LRP1B: variants seen among roughly 807,000 people sequenced by gnomAD.
LRP1B encodes low-density lipoprotein receptor-related protein 1B.
A neutral mutation model predicts 556.6 loss-of-function variants in LRP1B; 217 were observed. The observed-to-expected ratio is 0.39, with a 90% confidence interval of 0.35 to 0.44. The LOEUF (loss-of-function observed/expected upper bound fraction) is 0.44. LRP1B is among the 20% of genes least tolerant of loss of function. LRP1B has a pLI of 1.00. For missense variants in LRP1B, 5,053 were observed against 5,620.8 expected (o/e 0.90, Z 3.23); for synonymous variants, 2,047 against 1,865.8 (o/e 1.10, Z -2.50).
intron 83 of LRP1B, among the ~76,000 whole-genome samples, chr2:140,308,249 CATT>C (rs1196493765): frequency 1.3e-5 from 2 of 151,638 alleles, no homozygotes; most frequent in African/African-American, 2.4e-5. Context: ...ATTATGGAAA[CATT>C]ATTTATTGAT....
chr2:141,059,139 G>T, intron 8 of LRP1B, 85 bp from the exon 9 acceptor site: 1 of 831,514 alleles, frequency 1.2e-6, no homozygotes, highest in Non-Finnish European at 1.8e-6. Flanking sequence ...TTACTAGTAT[G>T]GAAAATGGCC....
rs564259467 is a variant in LRP1B at position 142,120,672 on chromosome 2, T to A, written c.82+9976A>T. ...CCTGTTTCTTTTGCTATTATGCTGG[T>A]TTATGTTGATAGAAATAACAGCAAA... On this transcript the variant is annotated intron_variant, in intron 1 of 90. Transcript: ENST00000389484. 3.3e-5 allele frequency among the ~76,000 whole-genome samples: 5 copies of A among 152,296 alleles called. No individual in the cohort carries two copies. In the East Asian group the frequency reaches 9.6e-4, roughly 29 times the overall value.
At chr2:140,864,661 AT>A (rs1433606499) in intron 27 of LRP1B, among the ~76,000 whole-genome samples, 1 of 152,028 alleles carries the variant, frequency 6.6e-6, no homozygotes, top group Non-Finnish European at 1.5e-5. Context: ...TGTTGCTATT[AT>A]TTTTTAATAT....
rs545657881 is a variant in LRP1B at position 141,780,785 on chromosome 2, A to C, written c.205+29494T>G. Among the ~76,000 whole-genome samples the C allele has an allele frequency of 3.3e-5, 5 of 152,320 alleles. 1 individual carries two copies. The South Asian group carries it at 1.0e-3, about 32-fold the overall frequency. On this transcript the variant is annotated intron_variant, in intron 2 of 90. Coordinates refer to ENST00000389484, the MANE Select transcript of LRP1B (RefSeq NM_018557.3). ...TTAGCAAAGAACAATAGCACTGCAAATGAAATATCCCTAGACTTTATTTAC... is the reference window on the plus strand; with the variant it reads ...TTAGCAAAGAACAATAGCACTGCAACTGAAATATCCCTAGACTTTATTTAC...
At chr2:141,043,266 G>T (rs7589720) in intron 11 of LRP1B, among the ~76,000 whole-genome samples, 121,901 of 149,708 alleles carry the variant, frequency 0.81, 50,490 homozygotes, top group East Asian at 0.92. Context: ...AAAATAAAAA[G>T]AAAAAGAAAA....
intron 3 of LRP1B, among the ~76,000 whole-genome samples, chr2:141,302,722 A>C (rs924559431): frequency 5.9e-5 from 9 of 152,140 alleles, no homozygotes; most frequent in Admixed American, 4.6e-4. Context: ...AAAAACAAAT[A>C]ATACAAGTGA....
At chr2:141,426,130 T>C (rs569788424) in intron 3 of LRP1B, among the ~76,000 whole-genome samples, 3,317 of 152,172 alleles carry the variant, frequency 0.022, 143 homozygotes, top group African/African-American at 0.074. Context: ...GTTTCAGCTT[T>C]CTACATATGG....
chr2:141,099,376 C>T (rs1700404263), intron 7 of LRP1B, among the ~76,000 whole-genome samples: 1 of 152,142 alleles, frequency 6.6e-6, no homozygotes, highest in South Asian at 2.1e-4. Flanking sequence ...AAGTGATAAA[C>T]AGTAATTTAA....
intron 3 of LRP1B, among the ~76,000 whole-genome samples, chr2:141,369,869 C>T (rs1301593492): frequency 1.3e-5 from 2 of 152,076 alleles, no homozygotes; most frequent in Non-Finnish European, 2.9e-5. Flanking sequence ...TATTTAGCTC[C>T]CACTTAAAAA....
chr2:141,556,464 C>A (rs2105239696), intron 2 of LRP1B, among the ~76,000 whole-genome samples: 1 of 152,010 alleles, frequency 6.6e-6, no homozygotes, highest in Non-Finnish European at 1.5e-5. Context: ...AAAAGTGGTA[C>A]ATTCACCATC....
chr2:141,627,034 T>C (rs1688725380), intron 2 of LRP1B, among the ~76,000 whole-genome samples: 1 of 152,212 alleles, frequency 6.6e-6, no homozygotes, highest in African/African-American at 2.4e-5. Flanking sequence ...TGCCAAAATA[T>C]AGAAGCAATC....
intron 2 of LRP1B, among the ~76,000 whole-genome samples, chr2:141,638,851 T>C: frequency 1.1e-5 from 1 of 87,578 alleles, no homozygotes; most frequent in East Asian, 2.7e-4. Flanking sequence ...ATTGAGACTG[T>C]AAGGTAGCCA....
chr2:142,046,427 C>T lies in LRP1B; in HGVS notation c.82+84221G>A, dbSNP rs892115936. Among the ~76,000 whole-genome samples, 3 of 151,944 alleles carry T rather than the reference C, an allele frequency of 2.0e-5. No individual in the cohort carries two copies. In the South Asian group the frequency reaches 6.2e-4, roughly 31 times the overall value. ...AAAAGTGGTATGCACTGGCAGCTAA[C>T]AGAATCCACTGAGCTTTTTTTTGTC... On this transcript the variant is annotated intron_variant, in intron 1 of 90. Transcript: ENST00000389484.
At chr2:141,003,709 C>T (rs1003521658) in intron 15 of LRP1B, among the ~76,000 whole-genome samples, 11 of 151,910 alleles carry the variant, frequency 7.2e-5, no homozygotes, top group African/African-American at 2.7e-4. Flanking sequence ...TTGTAAATTG[C>T]CAGTCTTGGG....
At chr2:141,815,766 G>T (rs1327767032) in intron 1 of LRP1B, among the ~76,000 whole-genome samples, 2 of 151,258 alleles carry the variant, frequency 1.3e-5, no homozygotes, top group South Asian at 4.2e-4. Flanking sequence ...GAAGCTTTGT[G>T]CTTTCACTCT....
chr2:140,324,914 A>C lies in LRP1B; in HGVS notation c.12340+848T>G, dbSNP rs1339238064. Among the ~76,000 whole-genome samples, 4 of 149,804 alleles carry C rather than the reference A, an allele frequency of 2.7e-5. No homozygotes were observed. The East Asian group carries it at 5.9e-4, about 22-fold the overall frequency. On this transcript the variant is annotated intron_variant, in intron 80 of 90. Transcript: ENST00000389484. ...TCTGAGGCCATTGATTAAAAAAAAA[A>C]CACACACACTTTAGGCAAAGGCACA...
chr2:142,106,719 G>A (rs1387409816), intron 1 of LRP1B, among the ~76,000 whole-genome samples: 1 of 152,048 alleles, frequency 6.6e-6, no homozygotes, highest in Non-Finnish European at 1.5e-5. Context: ...AAAGTCTAGA[G>A]TATAATAATC....
At chr2:140,721,713 A>ATTTTT (rs10616732) in intron 35 of LRP1B, among the ~76,000 whole-genome samples, 1 of 125,634 alleles carries the variant, frequency 8.0e-6, no homozygotes, top group Non-Finnish European at 1.7e-5. Context: ...ACACCCGGCT[A>ATTTTT]TTTTTTTTTT....
At position 141,887,022 on chromosome 2, in the gene LRP1B, G is replaced by T. The variant is rs145398476; in HGVS notation, c.83-76621C>A. Among the ~76,000 whole-genome samples, 483 of 149,974 alleles carry T rather than the reference G, an allele frequency of 3.2e-3. 1 individual carries two copies. Among genetic ancestry groups the T allele is most frequent in the African/African-American group, 0.011 (469 of 40,946 alleles). ...GTTTTGTTTGTTTTTCTTTGATGGAGTCTTGCTCTGTCACCCAACCTGGAG... is the reference window on the plus strand; with the variant it reads ...GTTTTGTTTGTTTTTCTTTGATGGATTCTTGCTCTGTCACCCAACCTGGAG... On this transcript the variant is annotated intron_variant, in intron 1 of 90. Coordinates refer to ENST00000389484, the MANE Select transcript of LRP1B (RefSeq NM_018557.3).
Sources: gnomAD v4.1 joint callset for allele counts (sites outside exome capture counted in the v4.1 genomes callset) on GRCh38, gnomAD v4.1.1 for gene constraint, MANE v1.5 for transcripts, NCBI Gene and HGNC (gene_info 2026-07-23, HGNC 2026-07-21) for gene names.